PKIA: variants seen among roughly 807,000 people sequenced by gnomAD.
The protein encoded by PKIA is cAMP-dependent protein kinase inhibitor alpha.
PKIA carries 4 observed loss-of-function variants against 7.6 expected under a neutral mutation model. The observed-to-expected ratio is 0.52, with a 90% CI of 0.26 to 1.20. PKIA has a LOEUF of 1.20. Ranked by LOEUF, PKIA falls within the 50% of genes most tolerant of loss-of-function variation. The pLI, the probability that PKIA is intolerant of heterozygous loss-of-function variation, is 0.13. For missense variants in PKIA, 73 were observed against 86.2 expected (o/e 0.85, Z 0.61); for synonymous variants, 21 against 30.7 (o/e 0.68, Z 1.04).
intron 1 of PKIA, among the ~76,000 whole-genome samples, chr8:78,545,066 C>T (rs1267722994): frequency 5.9e-5 from 9 of 151,998 alleles, no homozygotes; most frequent in Non-Finnish European, 1.3e-4. Context: ...AAATTACATG[C>T]TTTCTATAAT....
Position 78,601,991 on chromosome 8 carries a change from C to T in PKIA, c.*170C>T. On this transcript the variant is annotated 3_prime_UTR_variant, in exon 4 of 4. Transcript: ENST00000396418. The stretch of plus-strand genomic sequence containing the variant: ...TGAGGGCAGAGGCTGTGGCTGCAGG[C>T]AGACTTTTCCCTACCTCTGTCATTA... The T allele has an allele frequency of 1.7e-6, 1 of 591,280 alleles. No homozygotes were observed. Among genetic ancestry groups the T allele is most frequent in the Middle Eastern group, 2.7e-4 (1 of 3,702 alleles). The allele number at this position is 591,280 out of a possible 1,614,324, so 36.6% of individuals were successfully genotyped here. A position where few individuals can be genotyped will look rare whatever the true frequency, so the allele number is the denominator to read the frequency against.
At chr8:78,543,393 A>G (rs1180955235) in intron 1 of PKIA, among the ~76,000 whole-genome samples, 1 of 152,166 alleles carries the variant, frequency 6.6e-6, no homozygotes, top group Non-Finnish European at 1.5e-5. Flanking sequence ...ATATTATTTC[A>G]CCAGGCTAAC....
intron 2 of PKIA, among the ~76,000 whole-genome samples, chr8:78,587,929 A>G (rs1302044061): frequency 6.6e-6 from 1 of 152,194 alleles, no homozygotes; most frequent in Non-Finnish European, 1.5e-5. Context: ...CGATCAAGTT[A>G]CTTAAACAAG....
At chr8:78,583,598 ACT>A (rs1367550770) in intron 2 of PKIA, among the ~76,000 whole-genome samples, 6 of 152,090 alleles carry the variant, frequency 3.9e-5, no homozygotes, top group Admixed American at 2.0e-4. Flanking sequence ...TCTTTAAATG[ACT>A]CTGCTTGCAT....
chr8:78,593,725 T>C (rs1465700344), intron 2 of PKIA, among the ~76,000 whole-genome samples: 3 of 150,342 alleles, frequency 2.0e-5, no homozygotes, highest in Non-Finnish European at 4.4e-5. Flanking sequence ...GTAAAAAGCA[T>C]GGGCAGGAAC....
intron 1 of PKIA, among the ~76,000 whole-genome samples, chr8:78,524,212 A>G (rs1337042490): frequency 2.2e-5 from 3 of 139,344 alleles, no homozygotes; most frequent in Admixed American, 7.3e-5. Context: ...TTATATATAT[A>G]TAAACATTTA....
intron 1 of PKIA, among the ~76,000 whole-genome samples, chr8:78,530,278 C>T (rs182751307): frequency 9.2e-5 from 14 of 152,080 alleles, no homozygotes; most frequent in Admixed American, 7.9e-4. Flanking sequence ...TACACAATTA[C>T]TAAGTGTTAG....
intron 1 of PKIA, among the ~76,000 whole-genome samples, chr8:78,532,906 G>A (rs1472642890): frequency 2.0e-5 from 3 of 152,104 alleles, no homozygotes; most frequent in East Asian, 1.9e-4. Context: ...GCAACAGAGC[G>A]ACTCTGTCTC....
intron 1 of PKIA, among the ~76,000 whole-genome samples, chr8:78,530,397 C>A (rs1326414195): frequency 6.6e-6 from 1 of 151,950 alleles, no homozygotes; most frequent in East Asian, 1.9e-4. Flanking sequence ...TATGCCTGGT[C>A]TGCTTCTAGT....
intron 3 of PKIA, 83 bp downstream of exon 3, chr8:78,598,618 A>G: frequency 9.2e-7 from 1 of 1,088,790 alleles, no homozygotes; most frequent in East Asian, 2.4e-5. Flanking sequence ...ACGAAAAGCC[A>G]TCTTTGAAAG....
intron 1 of PKIA, among the ~76,000 whole-genome samples, chr8:78,565,524 T>C (rs973441310): frequency 4.6e-5 from 7 of 152,022 alleles, no homozygotes; most frequent in Non-Finnish European, 8.8e-5. Flanking sequence ...ACCTGAAAGA[T>C]CCTTAATATT....
intron 2 of PKIA, among the ~76,000 whole-genome samples, chr8:78,590,115 A>G (rs181179650): frequency 4.0e-4 from 61 of 152,248 alleles, no homozygotes; most frequent in Non-Finnish European, 6.9e-4. Flanking sequence ...CAGAAAACCT[A>G]TTATCTGCCC....
intron 2 of PKIA, among the ~76,000 whole-genome samples, chr8:78,590,288 A>C (rs1340060168): frequency 6.6e-6 from 1 of 151,884 alleles, no homozygotes; most frequent in Non-Finnish European, 1.5e-5. Flanking sequence ...ATAGTTAAAA[A>C]AAAAAAAAGA....
chr8:78,572,558 C>T (rs988837958), intron 1 of PKIA, among the ~76,000 whole-genome samples: 5 of 151,708 alleles, frequency 3.3e-5, no homozygotes, highest in African/African-American at 4.8e-5. Context: ...CACACACACA[C>T]ACACACACAC....
At chr8:78,520,740 C>G (rs956585517) in intron 1 of PKIA, among the ~76,000 whole-genome samples, 4 of 152,060 alleles carry the variant, frequency 2.6e-5, no homozygotes, top group African/African-American at 9.7e-5. Flanking sequence ...ACATCTTCTC[C>G]CCAAGTACAT....
At chr8:78,561,226 A>G (rs1188322260) in intron 1 of PKIA, among the ~76,000 whole-genome samples, 1 of 152,132 alleles carries the variant, frequency 6.6e-6, no homozygotes, top group Non-Finnish European at 1.5e-5. Context: ...GATAAATTAA[A>G]ATGTATTTAA....
intron 1 of PKIA, among the ~76,000 whole-genome samples, chr8:78,536,247 C>A (rs1210488177): frequency 6.6e-6 from 1 of 151,802 alleles, no homozygotes; most frequent in African/African-American, 2.4e-5. Flanking sequence ...TTAAGACTGC[C>A]AAATGATAGC....
intron 3 of PKIA, among the ~76,000 whole-genome samples, chr8:78,598,981 C>T (rs900793236): frequency 6.6e-6 from 1 of 151,898 alleles, no homozygotes; most frequent in African/African-American, 2.4e-5. Flanking sequence ...AAAAGAGTCT[C>T]CAGGGCTAAT....
At chr8:78,540,665 G>A (rs1806661031) in intron 1 of PKIA, among the ~76,000 whole-genome samples, 1 of 151,878 alleles carries the variant, frequency 6.6e-6, no homozygotes, top group African/African-American at 2.4e-5. Flanking sequence ...GGTGGGGCAG[G>A]GACTTCTTTC....
Sources: gnomAD v4.1 joint callset for allele counts (sites outside exome capture counted in the v4.1 genomes callset) on GRCh38, gnomAD v4.1.1 for gene constraint, MANE v1.5 for transcripts, NCBI Gene and HGNC (gene_info 2026-07-23, HGNC 2026-07-21) for gene names.